Variants in MGAT4C observed in about 807,000 individuals in gnomAD.
MGAT4C encodes MGAT4 family member C, also known as alpha-1,3-mannosyl-glycoprotein 4-beta-N-acetylglucosaminyltransferase C.
Under a neutral mutation model 40.1 loss-of-function variants are expected in MGAT4C, and 19 were observed. That is an observed-to-expected ratio of 0.47 (90% CI 0.33 to 0.70). The LOEUF is 0.70. Ranked by LOEUF, MGAT4C falls within the 30% of genes least tolerant of loss-of-function variation. The pLI is 0.02. For synonymous variants in MGAT4C, 181 were observed against 187.1 expected (o/e 0.97, Z 0.27); for missense variants, 491 against 563.2 (o/e 0.87, Z 1.30).
intron 3 of MGAT4C, among the ~76,000 whole-genome samples, chr12:86,368,202 A>C (rs949984094): frequency 6.6e-6 from 1 of 152,206 alleles, no homozygotes; most frequent in Non-Finnish European, 1.5e-5. Context: ...TATGCATATC[A>C]ACAATGAAAA....
intron 1 of MGAT4C, among the ~76,000 whole-genome samples, chr12:86,060,635 T>C (rs1394168565): frequency 1.3e-5 from 2 of 152,194 alleles, no homozygotes; most frequent in Non-Finnish European, 2.9e-5. Context: ...TTTGCAGCTG[T>C]TAAAATCTAA....
At chr12:86,215,816 G>A (rs1223089351) in intron 1 of MGAT4C, among the ~76,000 whole-genome samples, 3 of 152,032 alleles carry the variant, frequency 2.0e-5, no homozygotes, top group Non-Finnish European at 2.9e-5. Context: ...CAGGAGCACC[G>A]AGAGATCAAG....
chr12:86,688,616 C>G (rs2136593165), intron 2 of MGAT4C, among the ~76,000 whole-genome samples: 1 of 152,204 alleles, frequency 6.6e-6, no homozygotes, highest in African/African-American at 2.4e-5. Context: ...CTGAGTTTGG[C>G]TGGATATGAA....
At chr12:86,623,735 A>T (rs555448069) in intron 2 of MGAT4C, among the ~76,000 whole-genome samples, 2 of 152,220 alleles carry the variant, frequency 1.3e-5, no homozygotes, top group Non-Finnish European at 1.5e-5. Flanking sequence ...GCTATTTCAG[A>T]ACTCTAAAAG....
intron 3 of MGAT4C, among the ~76,000 whole-genome samples, chr12:86,357,742 A>G (rs540887134): frequency 1.3e-5 from 2 of 152,324 alleles, no homozygotes; most frequent in Admixed American, 6.5e-5. Context: ...ATTGAAGATC[A>G]AATGAATGAA....
intron 2 of MGAT4C, among the ~76,000 whole-genome samples, chr12:86,469,406 C>T (rs1162008535): frequency 1.3e-5 from 2 of 152,132 alleles, no homozygotes; most frequent in South Asian, 2.1e-4. Flanking sequence ...TTTGCCAGCA[C>T]TCTCTCTTGT....
chr12:86,708,395 C>T (rs949950971), intron 2 of MGAT4C, among the ~76,000 whole-genome samples: 27 of 152,188 alleles, frequency 1.8e-4, no homozygotes, highest in Non-Finnish European at 3.7e-4. Context: ...CAGAAGTTTG[C>T]TGCAAGGGTG....
At chr12:86,563,970 T>G (rs1462507983) in intron 2 of MGAT4C, among the ~76,000 whole-genome samples, 4 of 152,040 alleles carry the variant, frequency 2.6e-5, no homozygotes, top group Non-Finnish European at 5.9e-5. Context: ...ACTATTATGG[T>G]GGGAAAGGCC....
At chr12:86,802,288 T>C (rs1294806396) in intron 1 of MGAT4C, among the ~76,000 whole-genome samples, 1 of 151,982 alleles carries the variant, frequency 6.6e-6, no homozygotes, top group African/African-American at 2.4e-5. Context: ...ATTCATTTAA[T>C]TCAGTCTGTG....
intron 3 of MGAT4C, among the ~76,000 whole-genome samples, chr12:86,335,851 T>C (rs1197951944): frequency 6.6e-6 from 1 of 152,256 alleles, no homozygotes; most frequent in African/African-American, 2.4e-5. Flanking sequence ...ACATGGCTAA[T>C]ATGGTCCAAA....
rs536569794 is a variant in MGAT4C, at chr12:86,110,100, A to G, written c.-56-60377T>C. ...ATGCCAAAATGACTGTATAATAGAC[A>G]GTCAGGGAGGACTGCTGTTACCCCA... On this transcript the variant is annotated intron_variant, in intron 1 of 4. Coordinates refer to ENST00000611864, the MANE Select transcript of MGAT4C (RefSeq NM_001351288.2). Among the ~76,000 whole-genome samples, 10 of 150,666 alleles carry G rather than the reference A, an allele frequency of 6.6e-5. No individual in the cohort carries two copies. The East Asian group carries it at 2.0e-3, about 30-fold the overall frequency.
intron 2 of MGAT4C, among the ~76,000 whole-genome samples, chr12:86,484,787 G>A (rs1323940414): frequency 2.0e-5 from 3 of 152,154 alleles, no homozygotes; most frequent in African/African-American, 7.2e-5. Flanking sequence ...AAGGAAATGT[G>A]GACATGGCAC....
At chr12:86,523,177 A>AAAT (rs1214359027) in intron 2 of MGAT4C, among the ~76,000 whole-genome samples, 2 of 151,708 alleles carry the variant, frequency 1.3e-5, no homozygotes, top group African/African-American at 4.8e-5. Context: ...GTTGTGTGTG[A>AAAT]TGTTAGGTTG....
intron 1 of MGAT4C, among the ~76,000 whole-genome samples, chr12:86,220,079 A>G (rs1950824032): frequency 6.6e-6 from 1 of 152,122 alleles, no homozygotes; most frequent in Admixed American, 6.6e-5. Flanking sequence ...CCACCTATAC[A>G]TCAGAGCCTC....
At chr12:86,414,435 T>A (rs554584795) in intron 3 of MGAT4C, among the ~76,000 whole-genome samples, 6 of 152,150 alleles carry the variant, frequency 3.9e-5, no homozygotes, top group Non-Finnish European at 8.8e-5. Flanking sequence ...CCTATTCTCA[T>A]AAGAACAATT....
At chr12:86,484,908 T>G (rs141116583) in intron 2 of MGAT4C, among the ~76,000 whole-genome samples, 203 of 152,200 alleles carry the variant, frequency 1.3e-3, no homozygotes, top group African/African-American at 4.7e-3. Flanking sequence ...AAATACAATA[T>G]AGCCACACAG....
Position 86,587,365 on chromosome 12 carries a change from A to G in MGAT4C, c.-229+139844T>C, listed in dbSNP as rs1593015488. Among the ~76,000 whole-genome samples the G allele has an allele frequency of 2.0e-5, 3 of 152,166 alleles. 1 individual carries two copies. The highest frequency in any genetic ancestry group is 7.2e-5 in the African/African-American group (3 of 41,530). ...GTTTTGGTTACTGTAGCCTTGTAGTATAGTTTGAAGTCAGGTAGTGTGATG... is the reference window on the plus strand; with the variant it reads ...GTTTTGGTTACTGTAGCCTTGTAGTGTAGTTTGAAGTCAGGTAGTGTGATG... On this transcript the variant is annotated intron_variant, in intron 2 of 7. Transcript: ENST00000548651.
At chr12:86,020,766 C>G (rs1296274228) in intron 2 of MGAT4C, among the ~76,000 whole-genome samples, 1 of 152,076 alleles carries the variant, frequency 6.6e-6, no homozygotes, top group East Asian at 1.9e-4. Flanking sequence ...AGCTTCTGCA[C>G]AGCAAAAGAA....
intron 1 of MGAT4C, among the ~76,000 whole-genome samples, chr12:86,164,632 T>G (rs1434046393): frequency 6.6e-6 from 1 of 152,152 alleles, no homozygotes; most frequent in Non-Finnish European, 1.5e-5. Context: ...ATAAGTGACT[T>G]TGAGTTCAGT....
Sources: gnomAD v4.1 joint callset for allele counts (sites outside exome capture counted in the v4.1 genomes callset) on GRCh38, gnomAD v4.1.1 for gene constraint, MANE v1.5 for transcripts, NCBI Gene and HGNC (gene_info 2026-07-23, HGNC 2026-07-21) for gene names.